Variants in FBRSL1 observed in about 807,000 individuals in gnomAD.
The protein encoded by FBRSL1 is fibrosin-1-like protein.
Under a neutral mutation model 89.6 loss-of-function variants are expected in FBRSL1, and 51 were observed. That is an observed-to-expected ratio of 0.57 (90% confidence interval 0.45 to 0.72). FBRSL1 has a LOEUF of 0.72. Ranked by LOEUF, FBRSL1 falls within the 30% of genes least tolerant of loss-of-function variation. The pLI, the probability that FBRSL1 is intolerant of heterozygous loss-of-function variation, is 0.00. For missense variants in FBRSL1, 1,618 were observed against 1,451.8 expected (o/e 1.11, Z -1.86); for synonymous variants, 779 against 681.1 (o/e 1.14, Z -2.24).
intron 15 of FBRSL1, among the ~76,000 whole-genome samples, chr12:132,578,364 C>CACACACACACACACACACAT (rs1378648513): frequency 1.8e-4 from 26 of 145,744 alleles, no homozygotes; most frequent in Non-Finnish European, 3.6e-4. Context: ...CACACACACA[C>CACACACACACACACACACAT]ACAAAATCAT....
At chr12:132,506,378 A>G (rs1197725750) in intron 1 of FBRSL1, among the ~76,000 whole-genome samples, 1 of 152,158 alleles carries the variant, frequency 6.6e-6, no homozygotes, top group East Asian at 1.9e-4. Context: ...GGCAATGGGG[A>G]GAGGTGTGGA....
Position 132,582,145 on chromosome 12 carries a change from C to T in FBRSL1, c.2080C>T (p.His694Tyr). Residue 694 changes from histidine to tyrosine, a missense_variant, in exon 18 of 19, where the codon CAC becomes TAC. His to Tyr is a moderately conservative substitution (Grantham distance 83). Coordinates refer to ENST00000680143, the MANE Select transcript of FBRSL1 (RefSeq NM_001367871.1). Reference sequence around the variant, plus strand: ...CCCCCATGAGGCCTGGAACCGACTGCACCGGGCACCGCCCTCCTTCCCGGC... The same window carrying T: ...CCCCCATGAGGCCTGGAACCGACTGTACCGGGCACCGCCCTCCTTCCCGGC... ...PSPHEAWNRL[H>Y]RAPPSFPAPP... 1.3e-6 allele frequency: 2 copies of T among 1,550,010 alleles called. No individual in the cohort carries two copies. Among genetic ancestry groups the T allele is most frequent in the Non-Finnish European group, 1.7e-6 (2 of 1,146,788 alleles).
In FBRSL1 at chr12:132,560,521, C is replaced by T. The variant is rs550354794; in HGVS notation, c.646-6960C>T. On this transcript the variant is annotated intron_variant, in intron 5 of 18. Coordinates refer to ENST00000680143, the MANE Select transcript of FBRSL1 (RefSeq NM_001367871.1). ...GGTGGCGCGCGCCTTTGTCTGCGCCCAGGTGCGGAATCGGCCACCCGGGTT... is the reference window on the plus strand; with the variant it reads ...GGTGGCGCGCGCCTTTGTCTGCGCCTAGGTGCGGAATCGGCCACCCGGGTT... 2.8e-3 allele frequency among the ~76,000 whole-genome samples: 422 copies of T among 152,196 alleles called. 7 individuals carry two copies. The highest frequency in any genetic ancestry group is 9.6e-3 in the African/African-American group (398 of 41,554).
intron 4 of FBRSL1, among the ~76,000 whole-genome samples, chr12:132,532,578 C>A (rs1193896058): frequency 1.3e-5 from 2 of 152,194 alleles, no homozygotes; most frequent in Non-Finnish European, 2.9e-5. Context: ...GTGGAGAAAT[C>A]CGTCCCCTTG....
At chr12:132,572,489 C>A (rs1215144579) in intron 10 of FBRSL1, 38 bp from the exon 11 acceptor site, 33 of 1,519,050 alleles carry the variant, frequency 2.2e-5, no homozygotes, top group Non-Finnish European at 2.4e-5. Flanking sequence ...GGGGTGAGGA[C>A]TTGGGCCCCC....
intron 12 of FBRSL1, 49 bp downstream of exon 12, chr12:132,574,207 G>T (rs7979693): frequency 7.0e-7 from 1 of 1,431,624 alleles, no homozygotes; most frequent in Non-Finnish European, 9.1e-7. Flanking sequence ...GGCCTGCCCC[G>T]GCCGGGCCCT....
At position 132,508,305 on chromosome 12, in the gene FBRSL1, C is replaced by T. The variant is rs1054282270; in HGVS notation, c.444C>T (p.Pro148=). 1.5e-5 allele frequency: 23 copies of T among 1,548,280 alleles called. No individual in the cohort carries two copies. The Middle Eastern group carries it at 5.4e-4, about 36-fold the overall frequency. Residue 148 remains proline (P), a synonymous_variant, in exon 2 of 19, where the codon CCC becomes CCT. Coordinates refer to ENST00000680143, the MANE Select transcript of FBRSL1 (RefSeq NM_001367871.1). ...GCAGCCCCGGGCAGGACCTCGAACC[C>T]GCCTGCGATGGGGCGAGAAAGGTCC... The part of the protein sequence containing the change: ...EAGSPGQDLE[P]ACDGARKVPL...
At chr12:132,543,110 G>C (rs1024349570) in intron 4 of FBRSL1, among the ~76,000 whole-genome samples, 2 of 152,182 alleles carry the variant, frequency 1.3e-5, no homozygotes, top group African/African-American at 2.4e-5. Context: ...AGGGGGAGGG[G>C]TTGGTGGCAG....
intron 16 of FBRSL1, 69 bp from the exon 17 acceptor site, chr12:132,581,672 C>A: frequency 6.6e-7 from 1 of 1,514,426 alleles, no homozygotes; most frequent in Non-Finnish European, 9.0e-7. Flanking sequence ...TACAGCAGCC[C>A]CCACTGGGCC....
chr12:132,516,643 A>G (rs759861131), intron 2 of FBRSL1, among the ~76,000 whole-genome samples: 1 of 152,170 alleles, frequency 6.6e-6, no homozygotes, highest in Admixed American at 6.5e-5. Context: ...TCCACCAGTT[A>G]ACATGCATCA....
chr12:132,531,004 G>GA (rs1302401857), intron 4 of FBRSL1, among the ~76,000 whole-genome samples: 1 of 147,706 alleles, frequency 6.8e-6, no homozygotes, highest in Non-Finnish European at 1.5e-5. Flanking sequence ...TGGGGGGGGG[G>GA]GTGCAGGTGA....
intron 9 of FBRSL1, 179 bp downstream of exon 9, chr12:132,571,410 C>T: frequency 1.1e-5 from 17 of 1,550,946 alleles, no homozygotes; most frequent in Non-Finnish European, 1.5e-5. Flanking sequence ...GGGCGGAGTT[C>T]CATCAGCACC....
intron 1 of FBRSL1, among the ~76,000 whole-genome samples, chr12:132,505,198 C>T (rs1191239011): frequency 1.6e-4 from 24 of 152,224 alleles, no homozygotes; most frequent in Admixed American, 1.6e-3. Flanking sequence ...CTGCGGTGAA[C>T]ACGATGAAGT....
chr12:132,514,853 C>G (rs567991101), intron 2 of FBRSL1, among the ~76,000 whole-genome samples: 1 of 152,126 alleles, frequency 6.6e-6, no homozygotes, highest in Non-Finnish European at 1.5e-5. Flanking sequence ...TGAAGTATTG[C>G]GTTTCACTCC....
chr12:132,523,544 C>T (rs1418778296), intron 2 of FBRSL1, among the ~76,000 whole-genome samples: 1 of 152,168 alleles, frequency 6.6e-6, no homozygotes, highest in Non-Finnish European at 1.5e-5. Context: ...CTACTCCTCA[C>T]GGCTCAGCTG....
chr12:132,510,821 TG>T (rs2034247167), intron 2 of FBRSL1: 2 of 1,101,592 alleles, frequency 1.8e-6, no homozygotes, highest in African/African-American at 1.6e-5. Context: ...GGGACCTTGC[TG>T]GGGGCCCCTC....
intron 5 of FBRSL1, among the ~76,000 whole-genome samples, chr12:132,564,782 A>G (rs1182402398): frequency 8.9e-6 from 1 of 112,662 alleles, no homozygotes; most frequent in Non-Finnish European, 1.7e-5. Flanking sequence ...GGCGCCCGCC[A>G]CCACGCCCGG....
Position 132,571,251 on chromosome 12 carries a change from C to G in FBRSL1, c.1377+20C>G. The G allele has an allele frequency of 6.8e-7, 1 of 1,477,446 alleles. No homozygotes were observed. Among genetic ancestry groups the G allele is most frequent in the Non-Finnish European group, 9.1e-7 (1 of 1,103,738 alleles). 91.5% of individuals were successfully genotyped at this position (1,477,446 alleles called of 1,614,324 possible). ...TGCCAGGTGACTATCCGCCTCGCCC[C>G]GCCGGGAGCCCGCGGCCAACGTGCC... is the stretch of plus-strand genomic sequence containing the variant. On this transcript the variant is annotated intron_variant, in intron 9 of 18. Transcript: ENST00000680143.
intron 5 of FBRSL1, among the ~76,000 whole-genome samples, chr12:132,563,528 G>A (rs902892223): frequency 2.0e-5 from 3 of 152,100 alleles, no homozygotes; most frequent in South Asian, 4.2e-4. Flanking sequence ...TTCTCATTGC[G>A]CTCTTGGATC....
Sources: gnomAD v4.1 joint callset for allele counts (sites outside exome capture counted in the v4.1 genomes callset) on GRCh38, gnomAD v4.1.1 for gene constraint, MANE v1.5 for transcripts, NCBI Gene and HGNC (gene_info 2026-07-23, HGNC 2026-07-21) for gene names.